The following TOM1L1 variants were observed in gnomAD, a reference collection of about 807,000 sequenced individuals.
The protein encoded by TOM1L1 is target of myb1 like 1 membrane trafficking protein, also known as TOM1-like protein 1.
Under a neutral mutation model 63.4 loss-of-function variants are expected in TOM1L1, and 64 were observed. The ratio of observed to expected loss-of-function variants is 1.01; its 90% CI spans 0.83 to 1.24. TOM1L1 has a LOEUF of 1.24. TOM1L1 is among the 50% of genes most tolerant of loss of function. TOM1L1 has a pLI of 0.00. For missense variants in TOM1L1, 536 were observed against 567.0 expected, an observed-to-expected ratio of 0.95 and a Z score of 0.55; for synonymous variants, 166 against 194.4, an observed-to-expected ratio of 0.85 and a Z score of 1.22.
At chr17:54,929,711 A>T (rs947548382) in intron 7 of TOM1L1, among the ~76,000 whole-genome samples, 3 of 151,678 alleles carry the variant, frequency 2.0e-5, no homozygotes, top group Admixed American at 2.0e-4. Context: ...TTCATTTATC[A>T]ATGAGAAAAC....
intron 3 of TOM1L1, among the ~76,000 whole-genome samples, chr17:54,905,983 A>G (rs2048402146): frequency 6.6e-6 from 1 of 152,030 alleles, no homozygotes; most frequent in Non-Finnish European, 1.5e-5. Flanking sequence ...CAGCCTGGGC[A>G]AGATGGTGAG....
chr17:54,913,665 CAA>C (rs58570485), intron 4 of TOM1L1, 81 bp from the exon 5 acceptor site: 24,215 of 1,056,892 alleles, frequency 0.023, no homozygotes, highest in South Asian at 0.043. Flanking sequence ...GACTCTGTCT[CAA>C]AAAAAAAAAA....
chr17:54,950,209 T>A, intron 14 of TOM1L1, 83 bp downstream of exon 14: 1 of 1,057,834 alleles, frequency 9.5e-7, no homozygotes, highest in Non-Finnish European at 1.4e-6. Context: ...GTTATACATT[T>A]AACTTTGTTT....
chr17:54,917,388 C>G (rs2048608365), intron 7 of TOM1L1: 1 of 152,062 alleles, frequency 6.6e-6, no homozygotes, highest in Non-Finnish European at 1.5e-5. Flanking sequence ...TTCTCTAAAA[C>G]TTGTAATTGA....
chr17:54,925,379 A>G (rs1290917991), intron 7 of TOM1L1, among the ~76,000 whole-genome samples: 1 of 152,204 alleles, frequency 6.6e-6, no homozygotes, highest in Non-Finnish European at 1.5e-5. Flanking sequence ...CCTGCCAGCC[A>G]GCATGCCTGT....
rs561761464 is a variant in TOM1L1, at chr17:54,925,221, A to G, written c.721-4852A>G. On this transcript the variant is annotated intron_variant, in intron 7 of 15. Coordinates refer to ENST00000575882, the MANE Select transcript of TOM1L1 (RefSeq NM_005486.3). ...TGGATTATTAACTAATATCCCTAGA[A>G]TTACATAGACAAGAAGAGGGCACTT... Among the ~76,000 whole-genome samples the G allele has an allele frequency of 3.9e-5, 6 of 152,378 alleles. 1 individual carries two copies. Among genetic ancestry groups the G allele is most frequent in the African/African-American group, 1.4e-4 (6 of 41,592 alleles).
intron 4 of TOM1L1, 111 bp downstream of exon 4, chr17:54,912,926 A>T: frequency 1.0e-6 from 1 of 1,002,876 alleles, no homozygotes; most frequent in Non-Finnish European, 1.3e-6. Context: ...TGAGCTAGAA[A>T]AGCATTTTTG....
chr17:54,906,147 G>A (rs553679417), intron 3 of TOM1L1, among the ~76,000 whole-genome samples: 5 of 151,996 alleles, frequency 3.3e-5, no homozygotes, highest in Admixed American at 2.6e-4. Context: ...CTCAGCCTGA[G>A]TGATAAAGAG....
rs1181356194 is a variant in TOM1L1, at chr17:54,912,690, T to C, written c.247T>C (p.Cys83Arg). Residue 83 changes from cysteine (C) to arginine (R), a missense_variant, in exon 4 of 16, where the codon TGT becomes CGT. By Grantham distance (180) the Cys-to-Arg change is radical. Coordinates refer to ENST00000575882, the MANE Select transcript of TOM1L1 (RefSeq NM_005486.3). Reference protein sequence around the residue: ...LSLIDMCVQNCGPSFQSLIVK... With the variant: ...LSLIDMCVQNRGPSFQSLIVK... ...GCTTATTGACATGTGTGTGCAGAAC[T>C]GTGGTCCAAGTTTCCAGTCTCTGAT... The C allele has an allele frequency of 1.2e-6, 2 of 1,604,846 alleles. No individual in the cohort carries two copies. Among genetic ancestry groups the C allele is most frequent in the Admixed American group, 3.5e-5 (2 of 57,772 alleles).
chr17:54,930,276 T>C (rs2048837093), intron 8 of TOM1L1, 70 bp downstream of exon 8: 1 of 1,592,078 alleles, frequency 6.3e-7, no homozygotes, highest in Non-Finnish European at 8.6e-7. Flanking sequence ...TCAGCATTCT[T>C]ATCAGAGTGC....
At chr17:54,902,744 G>A (rs1010116398) in intron 1 of TOM1L1, among the ~76,000 whole-genome samples, 4 of 152,156 alleles carry the variant, frequency 2.6e-5, no homozygotes, top group Admixed American at 2.0e-4. Flanking sequence ...CCTTCTCTTA[G>A]GAAGATGTTA....
chr17:54,909,800 C>T (rs2048468752), intron 3 of TOM1L1, among the ~76,000 whole-genome samples: 1 of 152,196 alleles, frequency 6.6e-6, no homozygotes, highest in Admixed American at 6.5e-5. Context: ...TCAATCCCAC[C>T]TCAGATTATG....
intron 15 of TOM1L1, 62 bp downstream of exon 15, chr17:54,960,689 C>T (rs1031525451): frequency 7.8e-7 from 1 of 1,280,840 alleles, no homozygotes; most frequent in African/African-American, 1.5e-5. Context: ...ATAATTATCA[C>T]TTTACATATT....
intron 14 of TOM1L1, chr17:54,952,722 T>C (rs2049298826): frequency 6.6e-6 from 1 of 152,190 alleles, no homozygotes. Context: ...AGAGGCAGTC[T>C]AATGCTATAC....
intron 7 of TOM1L1, among the ~76,000 whole-genome samples, chr17:54,920,375 T>C (rs2048664397): frequency 1.3e-5 from 2 of 152,212 alleles, no homozygotes; most frequent in African/African-American, 4.8e-5. Context: ...CAATTTTTTT[T>C]TAGCTTGCCA....
rs370802558 is a variant in TOM1L1 at position 54,914,622 on chromosome 17, A to G, written c.499-17A>G. The G allele has an allele frequency of 2.7e-5, 43 of 1,592,842 alleles. No individual in the cohort carries two copies. Among genetic ancestry groups the G allele is most frequent in the Non-Finnish European group, 3.5e-5 (41 of 1,161,480 alleles). On this transcript the variant is annotated splice_polypyrimidine_tract_variant and intron_variant, in intron 5 of 15. Coordinates refer to ENST00000575882, the MANE Select transcript of TOM1L1 (RefSeq NM_005486.3). ...TGTTAATTCACATAATAATATTACC[A>G]TGTTTCATACTCATAGACTGCTCAA...
At position 54,909,357 on chromosome 17, in the gene TOM1L1, A is replaced by G. The variant is rs144658159; in HGVS notation, c.223-3309A>G. The stretch of plus-strand genomic sequence containing the variant: ...GACTGAGGCCTGTCCTAGGGGTGTC[A>G]TCATAGAGTGGGGTAGTCACCTTGG... On this transcript the variant is annotated intron_variant, in intron 3 of 15. Transcript: ENST00000575882. Among the ~76,000 whole-genome samples, 570 of 152,286 alleles carry G rather than the reference A, an allele frequency of 3.7e-3. 2 individuals carry two copies. Among genetic ancestry groups the G allele is most frequent in the African/African-American group, 0.013 (535 of 41,570 alleles).
intron 7 of TOM1L1, among the ~76,000 whole-genome samples, chr17:54,919,172 G>T (rs1230730037): frequency 6.6e-6 from 1 of 152,106 alleles, no homozygotes. Flanking sequence ...AGATTTCAAA[G>T]GTAGTAGTCC....
At chr17:54,935,625 G>T (rs1461729096) in intron 8 of TOM1L1, among the ~76,000 whole-genome samples, 3 of 152,042 alleles carry the variant, frequency 2.0e-5, no homozygotes, top group Non-Finnish European at 4.4e-5. Context: ...TTCCCTCTTA[G>T]CAGCTGGGGC....
Sources: gnomAD v4.1 joint callset for allele counts (sites outside exome capture counted in the v4.1 genomes callset) on GRCh38, gnomAD v4.1.1 for gene constraint, MANE v1.5 for transcripts, NCBI Gene and HGNC (gene_info 2026-07-23, HGNC 2026-07-21) for gene names.